Variants in CEP192 observed in about 807,000 individuals in gnomAD.
CEP192 encodes centrosomal protein 192, also known as centrosomal protein of 192 kDa.
CEP192 carries 151 observed loss-of-function variants against 271.8 expected under a neutral mutation model. That is an observed-to-expected ratio of 0.56 (90% CI 0.49 to 0.64). The LOEUF is 0.64. Ranked by LOEUF, CEP192 falls within the 30% of genes least tolerant of loss-of-function variation. CEP192 has a pLI of 0.00. For synonymous variants in CEP192, 995 were observed against 1,076.5 expected (o/e 0.92, Z 1.48); for missense variants, 2,910 against 3,020.5 (o/e 0.96, Z 0.86).
intron 1 of CEP192, among the ~76,000 whole-genome samples, chr18:12,995,545 C>T (rs1032475956): frequency 3.9e-4 from 60 of 152,154 alleles, no homozygotes; most frequent in African/African-American, 1.3e-3. Flanking sequence ...GTTTATTGAG[C>T]GTCTCGTGCC....
chr18:13,111,717 A>C (rs2040218843), intron 40 of CEP192, among the ~76,000 whole-genome samples: 1 of 152,198 alleles, frequency 6.6e-6, no homozygotes, highest in Non-Finnish European at 1.5e-5. Flanking sequence ...AAATTTGCAA[A>C]TGATGTATTT....
chr18:13,049,427 T>G lies in CEP192; in HGVS notation c.2636T>G (p.Val879Gly). The G allele has an allele frequency of 1.2e-6, 2 of 1,614,162 alleles. No individual in the cohort carries two copies. Among genetic ancestry groups the G allele is most frequent in the African/African-American group, 2.7e-5 (2 of 75,050 alleles). ...NRENNSAVVD[V>G]KTCSIDNKLQ... The stretch of plus-strand genomic sequence containing the variant: ...GAGAATAACAGTGCAGTAGTTGATG[T>G]GAAGACATGTTCCATTGACAACAAA... Residue 879 changes from valine to glycine, a missense_variant, in exon 16 of 45, where the codon GTG (valine) becomes GGG (glycine). By Grantham distance (109) the Val-to-Gly change is moderately radical. Transcript: ENST00000506447.
chr18:13,123,698 CTG>C (rs1195106058), intron 44 of CEP192, among the ~76,000 whole-genome samples: 3 of 152,142 alleles, frequency 2.0e-5, no homozygotes, highest in Admixed American at 6.5e-5. Context: ...CTCATTCACA[CTG>C]TGAATAACTT....
At chr18:13,102,651 G>C (rs1294009869) in intron 38 of CEP192, among the ~76,000 whole-genome samples, 1 of 152,158 alleles carries the variant, frequency 6.6e-6, no homozygotes, top group Non-Finnish European at 1.5e-5. Context: ...CACTTTGGAG[G>C]ACTTCTCCGT....
chr18:13,085,874 C>T lies in CEP192; in HGVS notation c.5617-1143C>T, dbSNP rs137959537. Among the ~76,000 whole-genome samples, 715 of 151,902 alleles carry T rather than the reference C, an allele frequency of 4.7e-3. 5 individuals are homozygous for T. The highest frequency in any genetic ancestry group is 0.016 in the African/African-American group (656 of 41,424). ...TTTGCCTAGGATTGTCTTGGCTATA[C>T]GGGCTCTTTTTTGGTTCCATATGAA... On this transcript the variant is annotated intron_variant, in intron 30 of 44. Transcript: ENST00000506447.
At chr18:13,024,274 T>A (rs1321902538) in intron 9 of CEP192, 1 of 455,632 alleles carries the variant, frequency 2.2e-6, no homozygotes, top group Non-Finnish European at 4.4e-6. Context: ...TTTCCCTACT[T>A]TGAAGTCTGC....
chr18:13,058,019 G>A (rs1340680416), intron 20 of CEP192: 1 of 182,772 alleles, frequency 5.5e-6, no homozygotes, highest in Non-Finnish European at 1.1e-5. Context: ...AAAGTTCTGA[G>A]TTTCTTGTTT....
chr18:13,044,805 A>AT (rs1332583435), intron 15 of CEP192, among the ~76,000 whole-genome samples: 5 of 151,876 alleles, frequency 3.3e-5, no homozygotes, highest in African/African-American at 9.7e-5. Context: ...TACTGGTCTC[A>AT]TTTTTTCTGT....
At chr18:13,048,731 G>A (rs2036610782) in intron 15 of CEP192, 128 bp from the exon 16 acceptor site, 2 of 635,806 alleles carry the variant, frequency 3.1e-6, no homozygotes, top group South Asian at 4.2e-5. Flanking sequence ...AGTCGGATTT[G>A]GTACTATCTG....
chr18:13,053,183 A>G, intron 18 of CEP192, 93 bp downstream of exon 18: 1 of 1,019,998 alleles, frequency 9.8e-7, no homozygotes, highest in Non-Finnish European at 1.4e-6. Context: ...AAGCCTATAT[A>G]ACTTCAGTGT....
chr18:13,006,767 T>A (rs1262792792), intron 3 of CEP192, among the ~76,000 whole-genome samples: 1 of 117,016 alleles, frequency 8.5e-6, no homozygotes, highest in African/African-American at 4.4e-5. Context: ...CCATTTACTG[T>A]AGAGTGTGCA....
chr18:13,038,445 C>G lies in CEP192; in HGVS notation c.1675C>G (p.Leu559Val). ...CTGGGGAGCTACAATTAATTACAGT[C>G]TGTTGAGGAAATCACGTAGCACATC... ...TSWGATINYSLLRKSRSTSDL... is the reference protein window; with the variant it reads ...TSWGATINYSVLRKSRSTSDL... The change falls in exon 13 of 45, where the codon CTG becomes GTG. Residue 559 changes from leucine to valine, a missense_variant. Physicochemically the swap from Leu to Val is conservative, Grantham distance 32 (BLOSUM62 1). Coordinates refer to ENST00000506447, the MANE Select transcript of CEP192 (RefSeq NM_032142.4). 1 of 1,551,584 alleles carries G rather than the reference C, an allele frequency of 6.4e-7. No homozygotes were observed. The highest frequency in any genetic ancestry group is 8.7e-7 in the Non-Finnish European group (1 of 1,146,934).
rs1047638263 is a variant in CEP192 at position 13,056,274 on chromosome 18, T to G, written c.3684T>G (p.Ile1228Met). ...QTTSENQCTP[I>M]PSSTVHSSVA... The stretch of plus-strand genomic sequence containing the variant: ...CCTCTGAAAACCAGTGTACTCCTAT[T>G]CCCAGCAGCACAGTTCACAGCTCTG... The change falls in exon 19 of 45, where the codon ATT (isoleucine) becomes ATG (methionine). Residue 1228 changes from isoleucine (I) to methionine (M), a missense_variant. Coordinates refer to ENST00000506447, the MANE Select transcript of CEP192 (RefSeq NM_032142.4). 1 of 1,613,948 alleles carries G rather than the reference T, an allele frequency of 6.2e-7. No homozygotes were observed.
At chr18:13,102,782 C>T (rs1364798726) in intron 38 of CEP192, among the ~76,000 whole-genome samples, 2 of 152,184 alleles carry the variant, frequency 1.3e-5, no homozygotes, top group African/African-American at 2.4e-5. Context: ...CTGCCTGTGC[C>T]TTTCCTTCTC....
chr18:13,013,430 A>G (rs905013736), intron 5 of CEP192, among the ~76,000 whole-genome samples: 5 of 152,304 alleles, frequency 3.3e-5, no homozygotes, highest in Admixed American at 2.6e-4. Context: ...TAAATGATAG[A>G]GAAGCTGTCT....
At chr18:13,031,484 T>C (rs2143580486) in intron 11 of CEP192, among the ~76,000 whole-genome samples, 1 of 152,180 alleles carries the variant, frequency 6.6e-6, no homozygotes, top group South Asian at 2.1e-4. Flanking sequence ...CCTGACCTCG[T>C]GATCTGCCCG....
rs1225081058 is a variant in CEP192 at position 13,095,532 on chromosome 18, G to T, written c.6284G>T (p.Gly2095Val). ...TTGGGAGCTTCTGGGAAACATGGTG[G>T]CAACGTCTCTTTGGATGTTTTACCA... ...SDLGASGKHG[G>V]NVSLDVLPVK... The change falls in exon 35 of 45, where the codon GGC becomes GTC. Residue 2095 changes from glycine (G) to valine (V), a missense_variant. Transcript: ENST00000506447. 1 of 1,612,240 alleles carries T rather than the reference G, an allele frequency of 6.2e-7. No homozygotes were observed. The highest frequency in any genetic ancestry group is 1.1e-5 in the South Asian group (1 of 90,522).
intron 44 of CEP192, among the ~76,000 whole-genome samples, chr18:13,122,059 C>T (rs570983130): frequency 1.3e-5 from 2 of 152,288 alleles, no homozygotes; most frequent in Admixed American, 6.5e-5. Context: ...GAGGCCAAGA[C>T]GGGCGGGTCA....
At chr18:13,054,096 G>A (rs2034385917) in intron 18 of CEP192, among the ~76,000 whole-genome samples, 1 of 152,138 alleles carries the variant, frequency 6.6e-6, no homozygotes. Context: ...CCAAAGTGGT[G>A]GGATTACAGG....
Sources: gnomAD v4.1 joint callset for allele counts (sites outside exome capture counted in the v4.1 genomes callset) on GRCh38, gnomAD v4.1.1 for gene constraint, MANE v1.5 for transcripts, NCBI Gene and HGNC (gene_info 2026-07-23, HGNC 2026-07-21) for gene names.